MYO16: variants seen among roughly 807,000 people sequenced by gnomAD.
MYO16 encodes the protein myosin XVI, also known as unconventional myosin-XVI.
A neutral mutation model predicts 205.3 loss-of-function variants in MYO16; 94 were observed. The ratio of observed to expected loss-of-function variants is 0.46; its 90% CI spans 0.39 to 0.54. The LOEUF (loss-of-function observed/expected upper bound fraction) is 0.54. Among genes scored for constraint, MYO16 ranks in the 20% least tolerant of loss-of-function variants. The pLI is 0.00. For synonymous variants in MYO16, 988 were observed against 954.0 expected, an observed-to-expected ratio of 1.04 and a Z score of -0.66; for missense variants, 2,315 against 2,387.5, an observed-to-expected ratio of 0.97 and a Z score of 0.63.
At chr13:109,064,218 C>CA (rs2139633231) in intron 27 of MYO16, among the ~76,000 whole-genome samples, 1 of 152,270 alleles carries the variant, frequency 6.6e-6, no homozygotes, top group South Asian at 2.1e-4. Context: ...TCTTAGCATG[C>CA]AAAGCCTAAA....
At chr13:108,685,085 C>CGTGT (rs1882623039) in intron 2 of MYO16, among the ~76,000 whole-genome samples, 1 of 149,398 alleles carries the variant, frequency 6.7e-6, no homozygotes. Flanking sequence ...TGCAGTGACA[C>CGTGT]GATCTCGGCT....
At chr13:109,021,193 A>C (rs2139516516) in intron 23 of MYO16, among the ~76,000 whole-genome samples, 1 of 152,288 alleles carries the variant, frequency 6.6e-6, no homozygotes, top group African/African-American at 2.4e-5. Flanking sequence ...GAAATAATAT[A>C]GTTTGAGAAA....
chr13:109,184,417 C>A (rs1240594121), intron 34 of MYO16, among the ~76,000 whole-genome samples: 5 of 152,098 alleles, frequency 3.3e-5, no homozygotes, highest in African/African-American at 1.2e-4. Context: ...AAATAAAAAA[C>A]AAAAACATAT....
chr13:108,557,681 G>T, the MYO16 span, among the ~76,000 whole-genome samples: 1 of 151,908 alleles, frequency 6.6e-6, no homozygotes, highest in African/African-American at 2.4e-5. Flanking sequence ...AATGGTATGT[G>T]TATTATAAAA....
Position 109,015,291 on chromosome 13 carries a change from C to T in MYO16, c.2596-4420C>T, listed in dbSNP as rs568692706. 2.6e-4 allele frequency among the ~76,000 whole-genome samples: 39 copies of T among 152,292 alleles called. No homozygotes were observed. In the South Asian group the frequency reaches 8.1e-3, roughly 32 times the overall value. The stretch of plus-strand genomic sequence containing the variant: ...ATCGATTTGTGTATGTTGAACCAGT[C>T]TTGCATCCCAGGGATGAAGCCCATT... On this transcript the variant is annotated intron_variant, in intron 22 of 34. Transcript: ENST00000457511.
At chr13:108,915,281 A>AGCTGTGGCAGTAAGACT (rs1445284489) in intron 16 of MYO16, among the ~76,000 whole-genome samples, 1 of 152,240 alleles carries the variant, frequency 6.6e-6, no homozygotes, top group East Asian at 1.9e-4. Flanking sequence ...CTATATTTTG[A>AGCTGTGGCAGTAAGACT]GCTGTGGCAG....
At chr13:108,592,076 G>T (rs1183052526), upstream of MYO16, among the ~76,000 whole-genome samples, 7 of 140,154 alleles carry the variant, frequency 5.0e-5, no homozygotes, top group African/African-American at 1.9e-4. Flanking sequence ...TGTGTGGGGG[G>T]TGGGGGTGGA....
At chr13:109,139,007 A>AT (rs1876910758) in intron 31 of MYO16, among the ~76,000 whole-genome samples, 2 of 151,988 alleles carry the variant, frequency 1.3e-5, no homozygotes, top group South Asian at 4.1e-4. Flanking sequence ...TTTAGTAGAA[A>AT]TTGGGTTTCA....
Position 109,127,584 on chromosome 13 carries a change from C to A in MYO16, c.4051+34C>A. On this transcript the variant is annotated intron_variant, in intron 31 of 34. Transcript: ENST00000457511. The surrounding 1 kb of genome is among the most constrained non-coding windows in gnomAD (Gnocchi z 4.2). ...TGGGGAGGGACCCAGCCTCGTGTTC[C>A]GGGCTCGCGCATGCTCTGACTTCGC... 3 of 1,596,010 alleles carry A rather than the reference C, an allele frequency of 1.9e-6. No homozygotes were observed. Among genetic ancestry groups the A allele is most frequent in the Non-Finnish European group, 2.6e-6 (3 of 1,175,794 alleles).
intron 9 of MYO16, among the ~76,000 whole-genome samples, chr13:108,823,778 CAAAT>C (rs1876110702): frequency 6.6e-6 from 1 of 152,020 alleles, no homozygotes; most frequent in Non-Finnish European, 1.5e-5. Flanking sequence ...ATAAGAATGA[CAAAT>C]AACAACTTAC....
chr13:108,903,367 G>C (rs746839038), intron 15 of MYO16, among the ~76,000 whole-genome samples: 11 of 97,766 alleles, frequency 1.1e-4, no homozygotes, highest in Non-Finnish European at 1.6e-4. Context: ...CATGTATACA[G>C]GGTTTGGTAC....
At chr13:108,928,332 G>C (rs9514945) in intron 16 of MYO16, among the ~76,000 whole-genome samples, 2 of 152,030 alleles carry the variant, frequency 1.3e-5, no homozygotes, top group African/African-American at 2.4e-5. Context: ...ATATGGTTAC[G>C]GCACTGTGTC....
intron 9 of MYO16, among the ~76,000 whole-genome samples, chr13:108,835,058 C>T (rs544096296): frequency 6.6e-6 from 1 of 151,788 alleles, no homozygotes; most frequent in South Asian, 2.1e-4. Context: ...AATTAATATA[C>T]TGCCTTTCAA....
intron 20 of MYO16, among the ~76,000 whole-genome samples, chr13:108,977,592 T>TA (rs967009341): frequency 5.9e-5 from 9 of 151,822 alleles, no homozygotes; most frequent in Admixed American, 1.3e-4. Flanking sequence ...TATATTTTTT[T>TA]AAAAAAAACC....
At chr13:108,867,203 C>G (rs1428396120) in intron 12 of MYO16, among the ~76,000 whole-genome samples, 2 of 151,636 alleles carry the variant, frequency 1.3e-5, no homozygotes, top group Non-Finnish European at 2.9e-5. Context: ...CAAAACAAAA[C>G]AAAACAAAAA....
intron 34 of MYO16, 51 bp downstream of exon 34, chr13:109,179,684 TGAC>T: frequency 1.4e-6 from 2 of 1,428,966 alleles, no homozygotes; most frequent in Non-Finnish European, 2.0e-6. Flanking sequence ...AATTAAGTTA[TGAC>T]AAGGCATTCA....
At chr13:109,022,680 A>G (rs1886112213) in intron 23 of MYO16, among the ~76,000 whole-genome samples, 1 of 54,350 alleles carries the variant, frequency 1.8e-5, no homozygotes, top group Non-Finnish European at 4.1e-5. Flanking sequence ...ATATATACAC[A>G]TATAAACATG....
intron 28 of MYO16, among the ~76,000 whole-genome samples, chr13:109,117,415 T>C (rs1162098805): frequency 1.4e-5 from 2 of 140,158 alleles, no homozygotes; most frequent in African/African-American, 5.0e-5. Flanking sequence ...TATATGTGTA[T>C]ATATGTATAT....
chr13:108,806,937 C>A, intron 7 of MYO16, 133 bp downstream of exon 7: 2 of 604,390 alleles, frequency 3.3e-6, no homozygotes, highest in Non-Finnish European at 4.8e-6. Context: ...TGTCTTCTTA[C>A]TGAACAAATA....
Sources: gnomAD v4.1 joint callset for allele counts (sites outside exome capture counted in the v4.1 genomes callset) on GRCh38, gnomAD v4.1.1 for gene constraint, Gnocchi (gnomAD v3.1) non-coding constraint, MANE v1.5 for transcripts, NCBI Gene and HGNC (gene_info 2026-07-23, HGNC 2026-07-21) for gene names.